NEGR1: variants seen among roughly 807,000 people sequenced by gnomAD.
NEGR1 encodes the protein neuronal growth regulator 1.
Under a neutral mutation model 40.9 loss-of-function variants are expected in NEGR1, and 10 were observed. The observed-to-expected ratio is 0.24, with a 90% CI of 0.15 to 0.42. The LOEUF (loss-of-function observed/expected upper bound fraction) is 0.42. Among genes scored for constraint, NEGR1 ranks in the 10% least tolerant of loss-of-function variants. The probability of loss-of-function intolerance (pLI) is 1.00; values close to 1 mark genes in which losing one functional copy is unlikely to be tolerated. For missense variants in NEGR1, 352 were observed against 438.9 expected (o/e 0.80, Z 1.77); for synonymous variants, 185 against 166.8 (o/e 1.11, Z -0.84).
At chr1:71,647,026 C>G (rs1044569351) in intron 4 of NEGR1, among the ~76,000 whole-genome samples, 1 of 151,768 alleles carries the variant, frequency 6.6e-6, no homozygotes. Flanking sequence ...GTTGTTGACT[C>G]GAGCCATGTC....
At chr1:72,079,239 T>C (rs1187064747) in intron 1 of NEGR1, among the ~76,000 whole-genome samples, 2 of 151,804 alleles carry the variant, frequency 1.3e-5, no homozygotes, top group Admixed American at 6.6e-5. Flanking sequence ...TTTAAGAATA[T>C]AGCTGCATGA....
intron 1 of NEGR1, among the ~76,000 whole-genome samples, chr1:71,942,975 TAA>T (rs939028897): frequency 6.3e-5 from 9 of 142,746 alleles, no homozygotes; most frequent in African/African-American, 2.0e-4. Context: ...TATATATATA[TAA>T]GTATATATGT....
At chr1:71,792,778 A>T (rs555932497) in intron 2 of NEGR1, among the ~76,000 whole-genome samples, 1 of 152,280 alleles carries the variant, frequency 6.6e-6, no homozygotes, top group African/African-American at 2.4e-5. Flanking sequence ...TCAGGAACTA[A>T]GCTGTATGCT....
chr1:72,217,476 C>A (rs76568495), intron 1 of NEGR1, among the ~76,000 whole-genome samples: 1 of 151,360 alleles, frequency 6.6e-6, no homozygotes, highest in Non-Finnish European at 1.5e-5. Context: ...AAGGTTAATG[C>A]CAATATGATT....
intron 2 of NEGR1, among the ~76,000 whole-genome samples, chr1:71,908,800 C>A (rs1490082309): frequency 6.6e-6 from 1 of 152,124 alleles, no homozygotes; most frequent in Non-Finnish European, 1.5e-5. Context: ...AGAGAACCAT[C>A]TCAGTCATTA....
chr1:71,539,145 A>G (rs762133754), intron 6 of NEGR1, among the ~76,000 whole-genome samples: 1 of 151,742 alleles, frequency 6.6e-6, no homozygotes, highest in African/African-American at 2.4e-5. Context: ...GATAATGATG[A>G]TATCTACCAC....
At chr1:71,763,200 C>T (rs1656008203) in intron 3 of NEGR1, among the ~76,000 whole-genome samples, 1 of 152,050 alleles carries the variant, frequency 6.6e-6, no homozygotes, top group Admixed American at 6.6e-5. Context: ...GCACTAATGA[C>T]CATTTCCTAG....
chr1:72,164,432 C>T (rs1450531540), intron 1 of NEGR1, among the ~76,000 whole-genome samples: 2 of 151,964 alleles, frequency 1.3e-5, no homozygotes, highest in Non-Finnish European at 2.9e-5. Context: ...CACTGTCACA[C>T]AAACCTCTGA....
chr1:72,154,739 A>G (rs1651296832), intron 1 of NEGR1, among the ~76,000 whole-genome samples: 1 of 151,966 alleles, frequency 6.6e-6, no homozygotes, highest in South Asian at 2.1e-4. Context: ...TTCTTTACAC[A>G]TGACTTACAG....
intron 1 of NEGR1, among the ~76,000 whole-genome samples, chr1:72,040,925 C>G (rs1157037106): frequency 6.6e-6 from 1 of 151,874 alleles, no homozygotes; most frequent in African/African-American, 2.4e-5. Flanking sequence ...AAGGTAGACC[C>G]AATCAGAAGC....
intron 1 of NEGR1, among the ~76,000 whole-genome samples, chr1:71,987,970 A>G (rs1193628514): frequency 6.6e-6 from 1 of 152,124 alleles, no homozygotes; most frequent in Non-Finnish European, 1.5e-5. Flanking sequence ...TTAAGAAATT[A>G]TTTTCCATTT....
intron 2 of NEGR1, among the ~76,000 whole-genome samples, chr1:71,820,507 T>C (rs192642234): frequency 8.9e-4 from 136 of 152,052 alleles, no homozygotes; most frequent in African/African-American, 3.1e-3. Context: ...AAGATTTAAG[T>C]TGAAGTTGAT....
chr1:71,608,776 G>A (rs1475062116), intron 5 of NEGR1, among the ~76,000 whole-genome samples: 1 of 152,180 alleles, frequency 6.6e-6, no homozygotes, highest in East Asian at 1.9e-4. Flanking sequence ...GAAGGGTTGT[G>A]AACAGGTAGA....
chr1:71,492,180 A>T (rs751630463), intron 6 of NEGR1, among the ~76,000 whole-genome samples: 31 of 152,116 alleles, frequency 2.0e-4, no homozygotes, highest in Admixed American at 5.2e-4. Context: ...GAGCAGTAGG[A>T]ATGGACTAAG....
intron 6 of NEGR1, among the ~76,000 whole-genome samples, chr1:71,574,400 T>C (rs1403135986): frequency 2.6e-5 from 4 of 152,138 alleles, no homozygotes; most frequent in African/African-American, 7.2e-5. Flanking sequence ...CTCAGACGCT[T>C]TGCAGTTATT....
chr1:71,425,178 A>G (rs1646421195), intron 6 of NEGR1, among the ~76,000 whole-genome samples: 1 of 152,200 alleles, frequency 6.6e-6, no homozygotes, highest in Admixed American at 6.5e-5. Context: ...CTTAGCTTCA[A>G]GAAGAGTATT....
At chr1:71,580,039 A>C (rs1649084658) in intron 6 of NEGR1, among the ~76,000 whole-genome samples, 2 of 152,306 alleles carry the variant, frequency 1.3e-5, no homozygotes, top group Admixed American at 1.3e-4. Flanking sequence ...TCACAATAGC[A>C]AAGACTTGGA....
intron 2 of NEGR1, among the ~76,000 whole-genome samples, chr1:71,887,992 GACACACACACACACACACACAC>G (rs57794150): frequency 5.1e-5 from 7 of 138,182 alleles, no homozygotes; most frequent in Admixed American, 3.6e-4. Flanking sequence ...CTTTTGAAAG[GACACACACACACACACACACAC>G]ACACACACAC....
intron 6 of NEGR1, among the ~76,000 whole-genome samples, chr1:71,457,550 T>C (rs534834168): frequency 2.0e-5 from 3 of 152,352 alleles, no homozygotes; most frequent in East Asian, 1.9e-4. Context: ...TCTGTTCTTA[T>C]ACAGATTACT....
Sources: allele counts gnomAD v4.1 joint callset (sites outside exome capture counted in the v4.1 genomes callset), GRCh38; gene constraint gnomAD v4.1.1; transcripts MANE v1.5; gene names NCBI Gene and HGNC (gene_info 2026-07-23, HGNC 2026-07-21).